CNNM2: variants seen among roughly 807,000 people sequenced by gnomAD.
CNNM2 encodes the protein cyclin and CBS domain divalent metal cation transport mediator 2.
A neutral mutation model predicts 66.9 loss-of-function variants in CNNM2; 12 were observed. The ratio of observed to expected loss-of-function variants is 0.18; its 90% CI spans 0.11 to 0.29. The LOEUF (loss-of-function observed/expected upper bound fraction) is 0.29. Among genes scored for constraint, CNNM2 ranks in the 10% least tolerant of loss-of-function variants. The pLI, the probability that CNNM2 is intolerant of heterozygous loss-of-function variation, is 1.00. For synonymous variants in CNNM2, 557 were observed against 501.8 expected, an observed-to-expected ratio of 1.11 and a Z score of -1.47; for missense variants, 705 against 1,167.7, an observed-to-expected ratio of 0.60 and a Z score of 5.77.
chr10:103,065,122 T>G (rs183863993), intron 4 of CNNM2, among the ~76,000 whole-genome samples: 1 of 152,288 alleles, frequency 6.6e-6, no homozygotes, highest in Admixed American at 6.5e-5. Flanking sequence ...GTCTGGAGTT[T>G]TGAGTCTTGC....
rs1223626683 is a variant in CNNM2, at chr10:102,919,065, C to T, written c.585C>T (p.Leu195=). ...AGTCCTATTACCTGTGCACGTCGCT[C>T]TCCACGCCCGCCCTGGGCGCCGGCG... The part of the protein sequence containing the change: ...KSKSYYLCTS[L]STPALGAGGS... The change falls in exon 1 of 8, where the codon CTC becomes CTT. Residue 195 remains leucine, a synonymous_variant. Transcript: ENST00000369878. 6.2e-7 allele frequency: 1 copy of T among 1,612,268 alleles called. No individual in the cohort carries two copies. Among genetic ancestry groups the T allele is most frequent in the Admixed American group, 1.7e-5 (1 of 59,980 alleles).
chr10:103,075,397 C>T (rs1201258612), intron 6 of CNNM2, among the ~76,000 whole-genome samples: 2 of 152,168 alleles, frequency 1.3e-5, no homozygotes, highest in African/African-American at 4.8e-5. Context: ...CAACAACACC[C>T]AGACTGGCGC....
intron 1 of CNNM2, among the ~76,000 whole-genome samples, chr10:102,997,723 A>G (rs1394811118): frequency 2.0e-5 from 3 of 152,216 alleles, no homozygotes; most frequent in Non-Finnish European, 2.9e-5. Context: ...CTGTCCTTCA[A>G]TTAAGAACAA....
chr10:103,005,927 C>T (rs534010150), intron 1 of CNNM2, among the ~76,000 whole-genome samples: 1 of 152,100 alleles, frequency 6.6e-6, no homozygotes, highest in South Asian at 2.1e-4. Context: ...CAGGGTTTTA[C>T]CATATTGCCC....
At chr10:102,934,702 G>C (rs1846174723) in intron 1 of CNNM2, among the ~76,000 whole-genome samples, 1 of 152,118 alleles carries the variant, frequency 6.6e-6, no homozygotes, top group South Asian at 2.1e-4. Context: ...TCGTAAACCA[G>C]GTGTTGTGGC....
intron 1 of CNNM2, among the ~76,000 whole-genome samples, chr10:102,988,505 A>T (rs996695426): frequency 9.9e-5 from 15 of 152,084 alleles, no homozygotes; most frequent in African/African-American, 3.6e-4. Flanking sequence ...AAGTTTTGAC[A>T]TGTCATTTTA....
intron 1 of CNNM2, among the ~76,000 whole-genome samples, chr10:102,998,670 G>C (rs569524219): frequency 6.6e-6 from 1 of 152,140 alleles, no homozygotes; most frequent in East Asian, 1.9e-4. Flanking sequence ...AAATGCTGAG[G>C]AATCGACTAC....
rs2065267586 is a variant in CNNM2 at position 103,054,597 on chromosome 10, GTTTTTTTTGTTTTTT to G, written c.1903+133_1903+147del. 5 of 746,498 alleles carry G rather than the reference GTTTTTTTTGTTTTTT, an allele frequency of 6.7e-6. No homozygotes were observed. Among genetic ancestry groups the G allele is most frequent in the South Asian group, 6.0e-5 (2 of 33,376 alleles). 46.2% of individuals were successfully genotyped at this position (746,498 alleles called of 1,614,324 possible). A position where few individuals can be genotyped will look rare whatever the true frequency, so the allele number is the denominator to read the frequency against. ...ATAAGTAATGCCACTTTTGTGTTTT[GTTTTTTTTGTTTTTT>G]TGTTTTGTTTTGTTTTTTTCTTTTT... On this transcript the variant is annotated intron_variant, in intron 3 of 7. Coordinates refer to ENST00000369878, the MANE Select transcript of CNNM2 (RefSeq NM_017649.5). The surrounding 1 kb of genome is among the most constrained non-coding windows in gnomAD (Gnocchi z 5.2).
chr10:103,088,250 G>GA lies in CNNM2; in HGVS notation c.*11073dup, dbSNP rs1412242621. 1 of 152,202 alleles carries GA rather than the reference G, an allele frequency of 6.6e-6. No homozygotes were observed. Among genetic ancestry groups the GA allele is most frequent in the Non-Finnish European group, 1.5e-5 (1 of 68,020 alleles). 9.4% of individuals were successfully genotyped at this position (152,202 alleles called of 1,614,324 possible). ...TGGAAGAAAATATACAATGGTTAAA[G>GA]AAAGAGTCTATAACCACTGTTTGTT... On this transcript the variant is annotated 3_prime_UTR_variant, in exon 8 of 8. Transcript: ENST00000369878.
At position 102,919,785 on chromosome 10, in the gene CNNM2, C is replaced by T. The variant is rs1355626818; in HGVS notation, c.1305C>T (p.Ile435=). The stretch of plus-strand genomic sequence containing the variant: ...TCGTTAAGGAGGAGCTGAACATCAT[C>T]CAAGGGGCGCTGGAGCTCCGCACCA... ...NDLVKEELNI[I]QGALELRTKT... The change falls in exon 1 of 8, where the codon ATC becomes ATT. Residue 435 remains isoleucine (I), a synonymous_variant. Transcript: ENST00000369878. The T allele has an allele frequency of 1.9e-6, 3 of 1,614,128 alleles. No individual in the cohort carries two copies. Among genetic ancestry groups the T allele is most frequent in the Non-Finnish European group, 2.5e-6 (3 of 1,180,052 alleles).
At chr10:103,052,154 G>GC (rs1446349448) in intron 2 of CNNM2, among the ~76,000 whole-genome samples, 1 of 151,502 alleles carries the variant, frequency 6.6e-6, no homozygotes, top group South Asian at 2.1e-4. Context: ...GGTGGCGTGC[G>GC]CCTGTAGTCC....
chr10:103,016,655 A>T (rs1340275189), intron 1 of CNNM2, among the ~76,000 whole-genome samples: 1 of 152,196 alleles, frequency 6.6e-6, no homozygotes, highest in Non-Finnish European at 1.5e-5. Context: ...CTATGATGTA[A>T]CTGGATGTGT....
At position 103,077,210 on chromosome 10, in the gene CNNM2, C is replaced by A; in HGVS notation, c.*30C>A. 1 of 1,600,486 alleles carries A rather than the reference C, an allele frequency of 6.2e-7. No individual in the cohort carries two copies. Among genetic ancestry groups the A allele is most frequent in the Non-Finnish European group, 8.5e-7 (1 of 1,172,882 alleles). On this transcript the variant is annotated 3_prime_UTR_variant, in exon 8 of 8. Coordinates refer to ENST00000369878, the MANE Select transcript of CNNM2 (RefSeq NM_017649.5). The stretch of plus-strand genomic sequence containing the variant: ...CGCTGGCTGCACCCGCCCAGGCCCG[C>A]ACCCGCCCAGTCCCGAGGGCCCGGC...
In CNNM2 at chr10:102,919,117, G is replaced by C. The variant is rs756398984; in HGVS notation, c.637G>C (p.Gly213Arg). ...GGSGSTGGAV[G>R]GKGGSGVAGL... is the part of the protein sequence containing the mutation. ...CTCGGGGTCCACGGGTGGCGCCGTC[G>C]GGGGCAAGGGTGGCTCGGGGGTGGC... Residue 213 changes from glycine (G) to arginine (R), a missense_variant, in exon 1 of 8, where the codon GGG (glycine) becomes CGG (arginine). By Grantham distance (125) the Gly-to-Arg change is moderately radical. Transcript: ENST00000369878. 6.2e-6 allele frequency: 10 copies of C among 1,610,326 alleles called. No individual in the cohort carries two copies. The highest frequency in any genetic ancestry group is 8.5e-6 in the Non-Finnish European group (10 of 1,178,908).
At chr10:103,027,440 G>A (rs1009824021) in intron 1 of CNNM2, 8 of 152,298 alleles carry the variant, frequency 5.3e-5, no homozygotes, top group South Asian at 2.1e-4. Flanking sequence ...TCCAGTAAGC[G>A]GGAGCAACTA....
chr10:103,061,348 G>A (rs888570619), intron 4 of CNNM2, among the ~76,000 whole-genome samples: 2 of 152,092 alleles, frequency 1.3e-5, no homozygotes, highest in Non-Finnish European at 1.5e-5. Context: ...AGCTGAGATC[G>A]CGCCACTGCT....
chr10:102,955,541 A>C (rs1847001357), intron 1 of CNNM2, among the ~76,000 whole-genome samples: 1 of 152,220 alleles, frequency 6.6e-6, no homozygotes, highest in Admixed American at 6.5e-5. Flanking sequence ...AATTAAACTA[A>C]AGAGCTTCTG....
At chr10:103,002,479 C>CTTTTT (rs34131768) in intron 1 of CNNM2, among the ~76,000 whole-genome samples, 11 of 136,282 alleles carry the variant, frequency 8.1e-5, no homozygotes, top group African/African-American at 1.6e-4. Context: ...AGACTGGAAT[C>CTTTTT]TTTTTTTTTT....
At chr10:103,029,298 C>CT (rs1403026550) in intron 1 of CNNM2, among the ~76,000 whole-genome samples, 11 of 141,900 alleles carry the variant, frequency 7.8e-5, no homozygotes, top group African/African-American at 2.9e-4. Context: ...CCCATCTCTA[C>CT]TTAAAAAAAA....
Sources: gnomAD v4.1 joint callset for allele counts (sites outside exome capture counted in the v4.1 genomes callset) on GRCh38, gnomAD v4.1.1 for gene constraint, Gnocchi (gnomAD v3.1) non-coding constraint, MANE v1.5 for transcripts, NCBI Gene and HGNC (gene_info 2026-07-23, HGNC 2026-07-21) for gene names.